Variants in NLRP1 observed in about 807,000 individuals in gnomAD.
The protein encoded by NLRP1 is NACHT, LRR and PYD domains-containing protein 1.
NLRP1 carries 94 observed loss-of-function variants against 136.7 expected under a neutral mutation model. The ratio of observed to expected loss-of-function variants is 0.69; its 90% confidence interval spans 0.58 to 0.82. The LOEUF (loss-of-function observed/expected upper bound fraction) is 0.82. NLRP1 is among the 40% of genes least tolerant of loss of function. NLRP1 has a pLI of 0.00. For missense variants in NLRP1, 1,575 were observed against 1,802.7 expected, an observed-to-expected ratio of 0.87 and a Z score of 2.29; for synonymous variants, 690 against 725.1, an observed-to-expected ratio of 0.95 and a Z score of 0.78.
intron 3 of NLRP1, among the ~76,000 whole-genome samples, chr17:5,564,931 G>A (rs1483015954): frequency 6.6e-6 from 1 of 151,952 alleles, no homozygotes; most frequent in Non-Finnish European, 1.5e-5. Flanking sequence ...TAGAGATGGG[G>A]TTTCACTGTG....
Position 5,538,999 on chromosome 17 carries a change from T to C in NLRP1, c.2870+416A>G, listed in dbSNP as rs554300390. ...AGGCTCAAGTGATTCTCCCTGCAAGTAGCTGGGATTACAGGTGCACACCAC... is the reference window on the plus strand; with the variant it reads ...AGGCTCAAGTGATTCTCCCTGCAAGCAGCTGGGATTACAGGTGCACACCAC... On this transcript the variant is annotated intron_variant, in intron 7 of 16. Coordinates refer to ENST00000572272, the MANE Select transcript of NLRP1 (RefSeq NM_033004.4). 3.3e-5 allele frequency among the ~76,000 whole-genome samples: 5 copies of C among 152,262 alleles called. No individual in the cohort carries two copies. In the South Asian group the frequency reaches 1.0e-3, roughly 32 times the overall value.
At chr17:5,564,023 ATTTCT>A (rs1457481099) in intron 3 of NLRP1, among the ~76,000 whole-genome samples, 1 of 152,012 alleles carries the variant, frequency 6.6e-6, no homozygotes, top group African/African-American at 2.4e-5. Flanking sequence ...CCAGCCAATA[ATTTCT>A]TTTCTTTTTT....
rs116277413 is a variant in NLRP1, at chr17:5,584,265, C to T, written c.-308G>A. The T allele has an allele frequency of 7.6e-3, 3,513 of 461,784 alleles. 81 individuals are homozygous for T. The highest frequency in any genetic ancestry group is 0.06 in the African/African-American group (3,079 of 50,920). 28.6% of individuals were successfully genotyped at this position (461,784 alleles called of 1,614,324 possible). A position where few individuals can be genotyped will look rare whatever the true frequency, so the allele number is the denominator to read the frequency against. Reference sequence around the variant, plus strand: ...GTGAGGGTGAGGGGAGATGTGGTGACGGGAGATGGGGTGTGGGCAACGCTC... The same window carrying T: ...GTGAGGGTGAGGGGAGATGTGGTGATGGGAGATGGGGTGTGGGCAACGCTC... On this transcript the variant is annotated 5_prime_UTR_variant, in exon 1 of 17. Transcript: ENST00000572272.
At position 5,583,616 on chromosome 17, in the gene NLRP1, T is replaced by G. The variant is rs1597493760; in HGVS notation, c.271+71A>C. ...TGGCAGGGAGGGCTCAGTGGTGGGGTCCCAAGAGGGCAGGGCAGGCATGAG... is the reference window on the plus strand; with the variant it reads ...TGGCAGGGAGGGCTCAGTGGTGGGGGCCCAAGAGGGCAGGGCAGGCATGAG... On this transcript the variant is annotated intron_variant, in intron 1 of 16. Coordinates refer to ENST00000572272, the MANE Select transcript of NLRP1 (RefSeq NM_033004.4). The surrounding 1 kb of genome is among the most constrained non-coding windows in gnomAD (Gnocchi z 4.5). 1 of 1,451,236 alleles carries G rather than the reference T, an allele frequency of 6.9e-7. No individual in the cohort carries two copies. 89.9% of individuals were successfully genotyped at this position (1,451,236 alleles called of 1,614,324 possible). A position where few individuals can be genotyped will look rare whatever the true frequency, so the allele number is the denominator to read the frequency against.
chr17:5,521,828 T>G (rs549016984), intron 12 of NLRP1, 42 bp from the exon 13 acceptor site: 2 of 1,524,434 alleles, frequency 1.3e-6, no homozygotes, highest in East Asian at 4.6e-5. Flanking sequence ...TTATTTTTAT[T>G]TATTTATTTT....
intron 12 of NLRP1, among the ~76,000 whole-genome samples, chr17:5,529,706 T>G (rs1198222346): frequency 6.6e-6 from 1 of 152,142 alleles, no homozygotes; most frequent in Non-Finnish European, 1.5e-5. Context: ...TTTCCAACTT[T>G]GATTTGTCAT....
Position 5,558,865 on chromosome 17 carries a change from G to A in NLRP1, c.1831C>T (p.Gln611Ter). The A allele has an allele frequency of 1.2e-6, 2 of 1,614,128 alleles. No individual in the cohort carries two copies. The highest frequency in any genetic ancestry group is 1.7e-6 in the Non-Finnish European group (2 of 1,179,976). ...TAGCTCAGAGGGATGGGGTGCTCTT[G>A]AAGAATACCCATCTTCAAGAAGGTG... ...ISTFLKMGILQEHPIPLSYSF... is the reference protein window; with the variant it reads ...ISTFLKMGIL The change falls in exon 4 of 17, where the codon CAA becomes TAA. Residue 611 changes from glutamine to a stop codon, truncating the protein, a stop_gained. Transcript: ENST00000572272. LOFTEE classifies it high-confidence loss of function.
At chr17:5,523,778 A>G (rs1453125980) in intron 12 of NLRP1, among the ~76,000 whole-genome samples, 1 of 152,238 alleles carries the variant, frequency 6.6e-6, no homozygotes, top group Non-Finnish European at 1.5e-5. Flanking sequence ...GTCAGATGTC[A>G]ATCCCAGAAG....
intron 12 of NLRP1, among the ~76,000 whole-genome samples, chr17:5,525,649 G>A (rs1466555283): frequency 6.6e-6 from 1 of 152,242 alleles, no homozygotes; most frequent in Non-Finnish European, 1.5e-5. Context: ...GTCTAGCAGA[G>A]CAGCTAAATG....
rs756213182 is a variant in NLRP1, at chr17:5,514,777, C to T, written c.4399G>A (p.Gly1467Arg). ...CTTCAGCTGCTGAGTGGCAGGAGTC[C>T]CTTTTTGCTGCCCTTCTCCCAGAGT... ...MELWEKGSKK[G>R]LLPLSS The change falls in exon 17 of 17, where the codon GGA becomes AGA. Residue 1467 changes from glycine (G) to arginine (R), a missense_variant. Physicochemically the swap from Gly to Arg is moderately radical, Grantham distance 125. Coordinates refer to ENST00000572272, the MANE Select transcript of NLRP1 (RefSeq NM_033004.4). 6.2e-6 allele frequency: 10 copies of T among 1,613,964 alleles called. No individual in the cohort carries two copies. The African/African-American group carries it at 9.3e-5, about 15-fold the overall frequency.
At chr17:5,545,377 GAC>G (rs1239644799) in intron 5 of NLRP1, among the ~76,000 whole-genome samples, 1 of 132,200 alleles carries the variant, frequency 7.6e-6, no homozygotes, top group Non-Finnish European at 1.6e-5. Context: ...CACAGACACA[GAC>G]ACCCACACAC....
intron 6 of NLRP1, among the ~76,000 whole-genome samples, chr17:5,540,712 G>T (rs1911760360): frequency 1.3e-5 from 2 of 152,134 alleles, no homozygotes; most frequent in African/African-American, 4.8e-5. Context: ...AGCCGACCAG[G>T]GATCGCCGAC....
intron 12 of NLRP1, among the ~76,000 whole-genome samples, chr17:5,524,007 T>C (rs1909224471): frequency 6.6e-6 from 1 of 152,204 alleles, no homozygotes; most frequent in Non-Finnish European, 1.5e-5. Context: ...CACCACAGCC[T>C]CCGCCTCCTG....
chr17:5,537,810 T>G lies in NLRP1; in HGVS notation c.2871-870A>C, dbSNP rs1348889168. Among the ~76,000 whole-genome samples, 1 of 152,010 alleles carries G rather than the reference T, an allele frequency of 6.6e-6. No individual in the cohort carries two copies. Among genetic ancestry groups the G allele is most frequent in the Non-Finnish European group, 1.5e-5 (1 of 68,000 alleles). The stretch of plus-strand genomic sequence containing the variant: ...TCAGAAGCAGCCCAGGTTTGACAGG[T>G]AAGTGTTGAGCTGGGGCCTGAAGCC... On this transcript the variant is annotated intron_variant, in intron 7 of 16. Transcript: ENST00000572272. The surrounding 1 kb of genome is among the most constrained non-coding windows in gnomAD (Gnocchi z 4.5).
intron 3 of NLRP1, among the ~76,000 whole-genome samples, chr17:5,576,658 C>T (rs1378988221): frequency 6.6e-6 from 1 of 152,160 alleles, no homozygotes; most frequent in African/African-American, 2.4e-5. Context: ...CAGACGGATT[C>T]ACAGCCAAAT....
intron 3 of NLRP1, among the ~76,000 whole-genome samples, chr17:5,571,283 A>G (rs1265864016): frequency 2.0e-5 from 3 of 152,214 alleles, no homozygotes; most frequent in Non-Finnish European, 4.4e-5. Context: ...GAAAGAAGTA[A>G]AAGACATCCA....
At chr17:5,562,453 C>T (rs1013759146) in intron 3 of NLRP1, among the ~76,000 whole-genome samples, 4 of 152,214 alleles carry the variant, frequency 2.6e-5, no homozygotes, top group Admixed American at 1.3e-4. Context: ...GAAGGAACCC[C>T]GTTTACCAGA....
intron 12 of NLRP1, among the ~76,000 whole-genome samples, chr17:5,523,442 C>T (rs1567634835): frequency 6.6e-6 from 1 of 152,194 alleles, no homozygotes; most frequent in Non-Finnish European, 1.5e-5. Flanking sequence ...CCCTTGGTTT[C>T]TCTGAGTCAT....
In NLRP1 at chr17:5,583,873, C is replaced by T. The variant is rs971095282; in HGVS notation, c.85G>A (p.Ala29Thr). 13 of 1,588,310 alleles carry T rather than the reference C, an allele frequency of 8.2e-6. No homozygotes were observed. The highest frequency in any genetic ancestry group is 4.0e-5 in the African/African-American group (3 of 74,614). ...EELKEFQLLL[A>T]NKAHSRSSSG... ...GAGCTCCTGGAGTGCGCTTTATTGG[C>T]GAGCAGAAGCTGGAACTCCTTCAGC... The change falls in exon 1 of 17, where the codon GCC becomes ACC. Residue 29 changes from alanine (A) to threonine (T), a missense_variant. Ala to Thr is a moderately conservative substitution (Grantham distance 58, BLOSUM62 0). Coordinates refer to ENST00000572272, the MANE Select transcript of NLRP1 (RefSeq NM_033004.4). The surrounding 1 kb of genome is among the most constrained non-coding windows in gnomAD (Gnocchi z 4.5).
Sources: allele counts gnomAD v4.1 joint callset (sites outside exome capture counted in the v4.1 genomes callset), GRCh38; gene constraint gnomAD v4.1.1; non-coding constraint Gnocchi (gnomAD v3.1); transcripts MANE v1.5; gene names NCBI Gene and HGNC (gene_info 2026-07-23, HGNC 2026-07-21).